Variants in DHX34 observed in about 807,000 individuals in gnomAD.
The protein encoded by DHX34 is DExH-box helicase 34.
In DHX34, 96 loss-of-function variants were observed where a neutral mutation model predicts 111.1. The ratio of observed to expected loss-of-function variants is 0.86; its 90% CI spans 0.73 to 1.02. The LOEUF (loss-of-function observed/expected upper bound fraction) is 1.02, where lower values mean the gene tolerates loss of function less well. DHX34 is among the 50% of genes least tolerant of loss of function. The probability of loss-of-function intolerance (pLI) is 0.00; values close to 1 mark genes in which losing one functional copy is unlikely to be tolerated. For synonymous variants in DHX34, 688 were observed against 670.4 expected (o/e 1.03, Z -0.41); for missense variants, 1,560 against 1,579.9 (o/e 0.99, Z 0.21).
chr19:47,373,826 C>T (rs1970048049), intron 9 of DHX34, 126 bp downstream of exon 9: 3 of 1,225,342 alleles, frequency 2.4e-6, no homozygotes, highest in African/African-American at 1.5e-5. Flanking sequence ...CCCACCTCCC[C>T]CACCACCCGG....
chr19:47,381,755 GTC>G, intron 16 of DHX34: 1 of 740,374 alleles, frequency 1.4e-6, no homozygotes, highest in Non-Finnish European at 1.6e-6. Flanking sequence ...CAGTCTCCAT[GTC>G]TCTCCTTGTG....
At position 47,382,195 on chromosome 19, in the gene DHX34, C is replaced by G; in HGVS notation, c.*82C>G. 6.4e-7 allele frequency: 1 copy of G among 1,561,850 alleles called. No homozygotes were observed. Among genetic ancestry groups the G allele is most frequent in the South Asian group, 1.2e-5 (1 of 84,720 alleles). On this transcript the variant is annotated 3_prime_UTR_variant, in exon 17 of 17. Transcript: ENST00000328771. ...CTAGGGGCAGGACTCTTGCCTGAAC[C>G]CCCAGCCTGGGCTTAGCCCTGTGGT...
At position 47,357,924 on chromosome 19, in the gene DHX34, C is replaced by A; in HGVS notation, c.1076C>A (p.Pro359Gln). 1 of 1,613,998 alleles carries A rather than the reference C, an allele frequency of 6.2e-7. No homozygotes were observed. The highest frequency in any genetic ancestry group is 8.5e-7 in the Non-Finnish European group (1 of 1,180,028). Residue 359 changes from proline (P) to glutamine (Q), a missense_variant, in exon 4 of 17, where the codon CCG (proline) becomes CAG (glutamine). Transcript: ENST00000328771. ...ACGTCCAAGTCAGAGAAGCTGGACC[C>A]GCGGCCTTTCCTGAGGGTGCTGGAG... ...PTTSKSEKLD[P>Q]RPFLRVLESI...
At position 47,362,549 on chromosome 19, in the gene DHX34, C is replaced by T. The variant is rs201699501; in HGVS notation, c.1449C>T (p.Ala483=). ...QRLQEFWISQ[A]SAEQRKGRAG... is the part of the protein sequence containing the mutation. ...TGCAGGAGTTCTGGATTAGTCAGGC[C>T]AGCGCAGAGCAGCGGAAGGGCCGGG... The change falls in exon 6 of 17, where the codon GCC becomes GCT. Residue 483 remains alanine (A), a synonymous_variant. Transcript: ENST00000328771. The T allele has an allele frequency of 6.2e-7, 1 of 1,612,726 alleles. No homozygotes were observed. Among genetic ancestry groups the T allele is most frequent in the Non-Finnish European group, 8.5e-7 (1 of 1,179,566 alleles).
At chr19:47,381,678 G>A in intron 16 of DHX34, 1 of 644,540 alleles carries the variant, frequency 1.6e-6, no homozygotes, top group East Asian at 3.1e-5. Context: ...GCCACACACT[G>A]GGGTTCAGTG....
intron 7 of DHX34, among the ~76,000 whole-genome samples, chr19:47,371,285 C>T (rs564375209): frequency 3.9e-5 from 6 of 152,186 alleles, no homozygotes; most frequent in Non-Finnish European, 4.4e-5. Context: ...GTGGGGAAAA[C>T]GAGGCTCAGA....
intron 8 of DHX34, 42 bp downstream of exon 8, chr19:47,372,965 A>C: frequency 6.5e-7 from 1 of 1,546,874 alleles, no homozygotes; most frequent in Non-Finnish European, 8.7e-7. Context: ...CACCCTGCTC[A>C]GGGCCAAGGC....
At chr19:47,378,670 C>G (rs778546148) in intron 13 of DHX34, among the ~76,000 whole-genome samples, 2 of 151,834 alleles carry the variant, frequency 1.3e-5, no homozygotes, top group Non-Finnish European at 2.9e-5. Flanking sequence ...TCTATCTCTA[C>G]AAAAAATTTT....
intron 16 of DHX34, chr19:47,381,549 C>G (rs745644522): frequency 1.6e-5 from 10 of 628,042 alleles, no homozygotes; most frequent in Admixed American, 6.1e-5. Flanking sequence ...CCTGTGGTGT[C>G]TCTGTGTTGC....
intron 7 of DHX34, among the ~76,000 whole-genome samples, chr19:47,367,772 C>T (rs1441843290): frequency 6.6e-6 from 1 of 151,452 alleles, no homozygotes; most frequent in Non-Finnish European, 1.5e-5. Context: ...CCTGTAATCC[C>T]AGCCACTTGG....
In DHX34 at chr19:47,363,864, G is replaced by T. The variant is rs560003870; in HGVS notation, c.1593+1171G>T. ...GTCCATAGGGTCAAAGGAAGAACCA[G>T]TGACTCAATCAGAATGCTTTCAGCT... is the stretch of plus-strand genomic sequence containing the variant. On this transcript the variant is annotated intron_variant, in intron 6 of 16. Transcript: ENST00000328771. 3.1e-4 allele frequency among the ~76,000 whole-genome samples: 47 copies of T among 151,538 alleles called. No homozygotes were observed. The East Asian group carries it at 8.3e-3, about 27-fold the overall frequency.
In DHX34 at chr19:47,352,963, G is replaced by A. The variant is rs761190483; in HGVS notation, c.-68G>A. The A allele has an allele frequency of 1.3e-6, 2 of 1,522,770 alleles. No homozygotes were observed. The highest frequency in any genetic ancestry group is 1.3e-5 in the South Asian group (1 of 77,756). 94.3% of individuals were successfully genotyped at this position (1,522,770 alleles called of 1,614,324 possible). A position where few individuals can be genotyped will look rare whatever the true frequency, so the allele number is the denominator to read the frequency against. On this transcript the variant is annotated 5_prime_UTR_variant, in exon 2 of 17. Transcript: ENST00000328771. The stretch of plus-strand genomic sequence containing the variant: ...GGCACTGGCCTCTTAAATTGTTGCA[G>A]GTGGGGAATGGATGAGAATATTTGT...
rs1396892917 is a variant in DHX34, at chr19:47,353,520, A to G, written c.490A>G (p.Ile164Val). The change falls in exon 2 of 17, where the codon ATC becomes GTC. Residue 164 changes from isoleucine (I) to valine (V), a missense_variant. By Grantham distance (29) the Ile-to-Val change is conservative (BLOSUM62 3). Coordinates refer to ENST00000328771, the MANE Select transcript of DHX34 (RefSeq NM_014681.6). This position sits in a 1 kb window ranked among gnomAD's most constrained non-coding sequence, Gnocchi z 4.6. ...KLQRERAALP[I>V]AQYGNRILQT... ...GCAGCGTGAGCGGGCAGCCCTCCCC[A>G]TCGCCCAGTATGGGAACCGCATCCT... 3 of 1,613,714 alleles carry G rather than the reference A, an allele frequency of 1.9e-6. No individual in the cohort carries two copies. The highest frequency in any genetic ancestry group is 1.1e-5 in the South Asian group (1 of 91,080).
chr19:47,374,947 T>C (rs546066595), intron 9 of DHX34, among the ~76,000 whole-genome samples: 39 of 152,198 alleles, frequency 2.6e-4, no homozygotes, highest in African/African-American at 8.9e-4. Flanking sequence ...TGACAAGATG[T>C]GGGCACGGGG....
rs1308480591 is a variant in DHX34 at position 47,382,683 on chromosome 19, T to TAAAA, written c.*571_*574dup. 6.6e-6 allele frequency: 1 copy of TAAAA among 151,950 alleles called. No homozygotes were observed. Among genetic ancestry groups the TAAAA allele is most frequent in the Non-Finnish European group, 1.5e-5 (1 of 68,046 alleles). The allele number at this position is 151,950 out of a possible 1,614,324, so 9.4% of individuals were successfully genotyped here. A position where few individuals can be genotyped will look rare whatever the true frequency, so the allele number is the denominator to read the frequency against. Reference sequence around the variant, plus strand: ...GTTGCTCACTCCCGTAATAAAAAAATAAAAGAACAGGCTGAGCCGGGCATG... The same window carrying TAAAA: ...GTTGCTCACTCCCGTAATAAAAAAATAAAAAAAAGAACAGGCTGAGCCGGGCATG... On this transcript the variant is annotated 3_prime_UTR_variant, in exon 17 of 17. Transcript: ENST00000328771.
At chr19:47,366,757 A>G (rs1479555159) in intron 6 of DHX34, 3 of 757,826 alleles carry the variant, frequency 4.0e-6, no homozygotes, top group African/African-American at 3.8e-5. Context: ...TATTTTTAGT[A>G]GAGACGGGGT....
At position 47,375,460 on chromosome 19, in the gene DHX34, C is replaced by A; in HGVS notation, c.2065-6C>A. On this transcript the variant is annotated splice_region_variant and splice_polypyrimidine_tract_variant and intron_variant, in intron 9 of 16. Transcript: ENST00000328771. Reference sequence around the variant, plus strand: ...GAGGCCCTCACCCCTACCCACCTGCCCCTAGGAGCTGTTGGAGGACCACGG... The same window carrying A: ...GAGGCCCTCACCCCTACCCACCTGCACCTAGGAGCTGTTGGAGGACCACGG... 1 of 1,581,354 alleles carries A rather than the reference C, an allele frequency of 6.3e-7. No individual in the cohort carries two copies. Among genetic ancestry groups the A allele is most frequent in the Non-Finnish European group, 8.5e-7 (1 of 1,171,316 alleles).
Position 47,354,056 on chromosome 19 carries a change from G to A in DHX34, c.705+321G>A, listed in dbSNP as rs547292376. ...TGGCTGACTGCAACCTCTGCCTCCC[G>A]GGTTCAAGCAATTCTCCTGCCTCAG... On this transcript the variant is annotated intron_variant, in intron 2 of 16. Transcript: ENST00000328771. Among the ~76,000 whole-genome samples, 61 of 152,208 alleles carry A rather than the reference G, an allele frequency of 4.0e-4. No individual in the cohort carries two copies. The South Asian group carries it at 0.012, about 31-fold the overall frequency.
At position 47,381,240 on chromosome 19, in the gene DHX34, T is replaced by C. The variant is rs756600683; in HGVS notation, c.3214T>C (p.Cys1072Arg). 1 of 1,614,054 alleles carries C rather than the reference T, an allele frequency of 6.2e-7. No individual in the cohort carries two copies. The highest frequency in any genetic ancestry group is 8.5e-7 in the Non-Finnish European group (1 of 1,179,938). ...CCGAACCTTCTGGACCTGCCCCCACTGTGGCCTGCATGCGCCCCTCACGCC... is the reference window on the plus strand; with the variant it reads ...CCGAACCTTCTGGACCTGCCCCCACCGTGGCCTGCATGCGCCCCTCACGCC... Reference protein sequence around the residue: ...CLRTFWTCPHCGLHAPLTPLE... With the variant: ...CLRTFWTCPHRGLHAPLTPLE... The change falls in exon 16 of 17, where the codon TGT becomes CGT. Residue 1072 changes from cysteine (C) to arginine (R), a missense_variant. Physicochemically the swap from Cys to Arg is radical, Grantham distance 180. Coordinates refer to ENST00000328771, the MANE Select transcript of DHX34 (RefSeq NM_014681.6).
Sources: allele counts gnomAD v4.1 joint callset (sites outside exome capture counted in the v4.1 genomes callset), GRCh38; gene constraint gnomAD v4.1.1; non-coding constraint Gnocchi (gnomAD v3.1); transcripts MANE v1.5; gene names NCBI Gene and HGNC (gene_info 2026-07-23, HGNC 2026-07-21).